CEP72: variants seen among roughly 807,000 people sequenced by gnomAD.
The protein encoded by CEP72 is centrosomal protein of 72 kDa.
Under a neutral mutation model 65.7 loss-of-function variants are expected in CEP72, and 78 were observed. The observed-to-expected ratio is 1.19, with a 90% CI of 0.99 to 1.43. The LOEUF (loss-of-function observed/expected upper bound fraction) is 1.43. Ranked by LOEUF, CEP72 falls within the 40% of genes most tolerant of loss-of-function variation. The pLI, the probability that CEP72 is intolerant of heterozygous loss-of-function variation, is 0.00. For synonymous variants in CEP72, 358 were observed against 351.7 expected (o/e 1.02, Z -0.20); for missense variants, 914 against 832.9 (o/e 1.10, Z -1.20).
intron 1 of CEP72, among the ~76,000 whole-genome samples, chr5:618,565 G>C (rs1210383724): frequency 6.6e-6 from 1 of 152,116 alleles, no homozygotes; most frequent in African/African-American, 2.4e-5. Flanking sequence ...TTTTGCAGTG[G>C]GGGAGAGAGA....
At chr5:632,231 C>G (rs1187682346) in intron 4 of CEP72, among the ~76,000 whole-genome samples, 1 of 57,160 alleles carries the variant, frequency 1.7e-5, no homozygotes, top group African/African-American at 7.0e-5. Flanking sequence ...GGATTTGACC[C>G]AGTCCTGGTG....
chr5:669,291 G>A (rs1414251624), downstream of CEP72, among the ~76,000 whole-genome samples: 5 of 151,752 alleles, frequency 3.3e-5, no homozygotes, highest in Non-Finnish European at 5.9e-5. Context: ...CCGGTGAGCC[G>A]GAGGTGCCCT....
chr5:620,261 G>A lies in CEP72; in HGVS notation c.403G>A (p.Asp135Asn). The A allele has an allele frequency of 6.2e-7, 1 of 1,612,702 alleles. No homozygotes were observed. Among genetic ancestry groups the A allele is most frequent in the Non-Finnish European group, 8.5e-7 (1 of 1,178,758 alleles). The part of the protein sequence containing the change: ...VHLLPKLQQL[D>N]DRPVRASERK... ...CCTGCTCCCCAAGCTCCAGCAGCTG[G>A]GTAGGCATCAGGCAGGGCCACGCTC... The change falls in exon 3 of 12, where the codon GAC becomes AAC. Residue 135 changes from aspartate to asparagine, a missense_variant and splice_region_variant. Physicochemically the swap from Asp to Asn is conservative, Grantham distance 23. Coordinates refer to ENST00000264935, the MANE Select transcript of CEP72 (RefSeq NM_018140.4).
Position 640,422 on chromosome 5 carries a change from A to C in CEP72, c.1357A>C (p.Ile453Leu), listed in dbSNP as rs1366620185. 6.2e-7 allele frequency: 1 copy of C among 1,613,880 alleles called. No homozygotes were observed. Among genetic ancestry groups the C allele is most frequent in the South Asian group, 1.1e-5 (1 of 91,052 alleles). The change falls in exon 9 of 12, where the codon ATC (isoleucine) becomes CTC (leucine). Residue 453 changes from isoleucine (I) to leucine (L), a missense_variant. Transcript: ENST00000264935. Reference protein sequence around the residue: ...NEAFLAQARHILSSVEEFTAA... With the variant: ...NEAFLAQARHLLSSVEEFTAA... The stretch of plus-strand genomic sequence containing the variant: ...TTCACTCCTAGCTCAGGCAAGACAC[A>C]TCTTGTCATCTGTTGAAGAATTCAC...
Position 653,168 on chromosome 5 carries a change from C to A in CEP72, c.*15C>A. 6.3e-7 allele frequency: 1 copy of A among 1,586,600 alleles called. No individual in the cohort carries two copies. Among genetic ancestry groups the A allele is most frequent in the South Asian group, 1.1e-5 (1 of 87,754 alleles). On this transcript the variant is annotated 3_prime_UTR_variant, in exon 12 of 12. Transcript: ENST00000264935. ...AGGCCTGCTGACTCCTGCCGAGAAG[C>A]TGGGCCACCCCTTAAGCTTCCTGGT...
chr5:656,737 G>T (rs1242701799), downstream of CEP72, among the ~76,000 whole-genome samples: 5 of 152,002 alleles, frequency 3.3e-5, no homozygotes, highest in Admixed American at 6.6e-5. Context: ...TGTTGTTCTG[G>T]ATTTTTACTT....
intron 4 of CEP72, among the ~76,000 whole-genome samples, chr5:628,688 G>T (rs58871659): frequency 0.054 from 757 of 13,918 alleles, 143 homozygotes; most frequent in African/African-American, 0.26. Context: ...CAGGTCACAG[G>T]CCCCGGGGAG....
chr5:642,228 G>A lies in CEP72; in HGVS notation c.1539+1624G>A, dbSNP rs1263453578. 6.5e-6 allele frequency: 5 copies of A among 772,336 alleles called. No homozygotes were observed. The African/African-American group carries it at 7.2e-5, about 11-fold the overall frequency. The allele number at this position is 772,336 out of a possible 1,614,324, so 47.8% of individuals were successfully genotyped here. ...TAGAAGCCTCTGCATTTAAGCACAC[G>A]TGGTCCCCCGTCCAGAAGCCTCTGC... is the stretch of plus-strand genomic sequence containing the variant. On this transcript the variant is annotated intron_variant, in intron 9 of 11. Transcript: ENST00000264935.
chr5:652,950 C>G, intron 11 of CEP72, 38 bp from the exon 12 acceptor site: 1 of 1,560,702 alleles, frequency 6.4e-7, no homozygotes, highest in Non-Finnish European at 8.7e-7. Flanking sequence ...CTGGAGAGGA[C>G]GGAAGTGCCA....
intron 1 of CEP72, among the ~76,000 whole-genome samples, chr5:616,356 AG>A (rs1735989174): frequency 1.3e-5 from 2 of 151,244 alleles, no homozygotes; most frequent in Non-Finnish European, 2.9e-5. Context: ...TGCTAAGACT[AG>A]TTTTTCCTTT....
chr5:632,226 T>TA (rs1737245689), intron 4 of CEP72, among the ~76,000 whole-genome samples: 1 of 60,974 alleles, frequency 1.6e-5, no homozygotes, highest in African/African-American at 6.5e-5. Context: ...TGTCGGGATT[T>TA]GACCCAGTCC....
the CEP72 span, among the ~76,000 whole-genome samples, chr5:673,507 T>TG: frequency 1.3e-5 from 2 of 151,592 alleles, no homozygotes; most frequent in Non-Finnish European, 2.9e-5. Context: ...CAGGCCGGAG[T>TG]CCCAGTCCTG....
Position 637,801 on chromosome 5 carries a change from G to A in CEP72, c.1189G>A (p.Val397Met), listed in dbSNP as rs1737715476. The change falls in exon 7 of 12, where the codon GTG becomes ATG. Residue 397 changes from valine (V) to methionine (M), a missense_variant. Val to Met is a conservative substitution (Grantham distance 21, BLOSUM62 1). Transcript: ENST00000264935. ...SETEEQRSRG[V>M]TDTREPSPGS... is the part of the protein sequence containing the mutation. ...GACTGAGGAGCAGAGGTCTCGGGGT[G>A]TGACCGACACCAGAGAGGTGAGAGA... The A allele has an allele frequency of 2.5e-6, 4 of 1,577,256 alleles. No individual in the cohort carries two copies. Among genetic ancestry groups the A allele is most frequent in the East Asian group, 2.3e-5 (1 of 43,246 alleles).
the CEP72 span, among the ~76,000 whole-genome samples, chr5:675,141 G>GTGTGGCCAGGGGTGCAA: frequency 0.43 from 22,754 of 52,650 alleles, 6,387 homozygotes; most frequent in African/African-American, 0.52. Flanking sequence ...CAGGGGTGCA[G>GTGTGGCCAGGGGTGCAA]TGTGGCCAGG....
downstream of CEP72, chr5:659,810 T>C (rs1400677952): frequency 1.3e-5 from 2 of 152,428 alleles, no homozygotes; most frequent in Non-Finnish European, 2.9e-5. Context: ...CTCCAGTACC[T>C]ATCCCCTGTT....
At chr5:626,635 C>T (rs930357486) in intron 4 of CEP72, among the ~76,000 whole-genome samples, 1 of 152,106 alleles carries the variant, frequency 6.6e-6, no homozygotes, top group African/African-American at 2.4e-5. Flanking sequence ...GCCTGGACAA[C>T]ATAGTGAGAC....
intron 1 of CEP72, among the ~76,000 whole-genome samples, chr5:615,959 T>G (rs777024294): frequency 1.3e-5 from 2 of 152,244 alleles, no homozygotes; most frequent in African/African-American, 2.4e-5. Flanking sequence ...TAGGTCTCTA[T>G]CCTCTCCCCT....
At chr5:674,091 C>G in the CEP72 span, among the ~76,000 whole-genome samples, 2 of 152,260 alleles carry the variant, frequency 1.3e-5, no homozygotes, top group Non-Finnish European at 2.9e-5. Context: ...GCAGGGCTGA[C>G]GGCCCCTGGA....
At chr5:665,661 C>T (rs1353736069) in intron 3 of CEP72, among the ~76,000 whole-genome samples, 4 of 139,512 alleles carry the variant, frequency 2.9e-5, no homozygotes, top group African/African-American at 1.1e-4. Flanking sequence ...CCCCCCAGGC[C>T]ACGCCGACCT....
Sources: allele counts gnomAD v4.1 joint callset (sites outside exome capture counted in the v4.1 genomes callset), GRCh38; gene constraint gnomAD v4.1.1; transcripts MANE v1.5; gene names NCBI Gene and HGNC (gene_info 2026-07-23, HGNC 2026-07-21).